The following DHX29 variants were observed in gnomAD, a reference collection of about 807,000 sequenced individuals.
The protein encoded by DHX29 is ATP-dependent RNA helicase DHX29.
In DHX29, 79 loss-of-function variants were observed where a neutral mutation model predicts 167.9. The ratio of observed to expected loss-of-function variants is 0.47; its 90% confidence interval spans 0.39 to 0.57. DHX29 has a LOEUF of 0.57. Among genes scored for constraint, DHX29 ranks in the 20% least tolerant of loss-of-function variants. The pLI, the probability that DHX29 is intolerant of heterozygous loss-of-function variation, is 0.00. For synonymous variants in DHX29, 530 were observed against 546.0 expected (o/e 0.97, Z 0.41); for missense variants, 1,347 against 1,593.4 (o/e 0.85, Z 2.63).
chr5:55,301,629 C>T (rs569796010), intron 1 of DHX29, among the ~76,000 whole-genome samples: 1 of 147,772 alleles, frequency 6.8e-6, no homozygotes, highest in South Asian at 2.2e-4. Flanking sequence ...AGGAGAATCG[C>T]TTGAACTCAG....
At chr5:55,257,066 C>CG (rs200380717) in intron 26 of DHX29, among the ~76,000 whole-genome samples, 3,042 of 152,222 alleles carry the variant, frequency 0.02, 57 homozygotes, top group Middle Eastern at 0.041. Context: ...GGTGTCAATG[C>CG]GGAAGTGACA....
chr5:55,269,729 A>G, intron 20 of DHX29, 92 bp from the exon 21 acceptor site: 1 of 1,051,808 alleles, frequency 9.5e-7, no homozygotes, highest in Non-Finnish European at 1.4e-6. Flanking sequence ...GACTTCAGTA[A>G]AATTTTGAGC....
In DHX29 at chr5:55,269,604, A is replaced by T; in HGVS notation, c.3103T>A (p.Ser1035Thr). ...CNLGSPEDFLSKALDPPQLQV... is the reference protein window; with the variant it reads ...CNLGSPEDFLTKALDPPQLQV... ...AGCTGAGGAGGATCTAAGGCTTTGG[A>T]GAGGAAATCTTCAGGAGAACCAAGA... The change falls in exon 21 of 27, where the codon TCC becomes ACC. Residue 1035 changes from serine (S) to threonine (T), a missense_variant. By Grantham distance (58) the Ser-to-Thr change is moderately conservative (BLOSUM62 1). Around this residue, in one of 3 missense-constraint regions of DHX29, gnomAD observed 882 missense variants for 1,082.4 expected, o/e 0.81. Transcript: ENST00000251636. 1.2e-6 allele frequency: 2 copies of T among 1,614,014 alleles called. No homozygotes were observed. Among genetic ancestry groups the T allele is most frequent in the Non-Finnish European group, 1.7e-6 (2 of 1,179,956 alleles).
intron 2 of DHX29, among the ~76,000 whole-genome samples, chr5:55,298,131 T>C (rs998061559): frequency 6.6e-6 from 1 of 151,356 alleles, no homozygotes; most frequent in African/African-American, 2.4e-5. Flanking sequence ...GAAAATCAAC[T>C]TGGCGGTTGA....
intron 1 of DHX29, among the ~76,000 whole-genome samples, chr5:55,301,713 CAA>C (rs70992777): frequency 0.15 from 9,573 of 64,180 alleles, 161 homozygotes; most frequent in East Asian, 0.28. Context: ...AACTCCATCT[CAA>C]AAAAAAAAAA....
At chr5:55,301,460 T>C (rs1245479231) in intron 1 of DHX29, among the ~76,000 whole-genome samples, 2 of 152,118 alleles carry the variant, frequency 1.3e-5, no homozygotes, top group African/African-American at 4.8e-5. Flanking sequence ...ACGCCTGTAA[T>C]CCCAACACTT....
chr5:55,281,856 G>A (rs1391490771), intron 11 of DHX29, among the ~76,000 whole-genome samples: 1 of 149,862 alleles, frequency 6.7e-6, no homozygotes, highest in African/African-American at 2.5e-5. Flanking sequence ...TGCAATCTCA[G>A]CTCACTGCAA....
rs145842446 is a variant in DHX29, at chr5:55,264,663, T to TA, written c.3526-1732dup. 0.01 allele frequency among the ~76,000 whole-genome samples: 1,569 copies of TA among 152,302 alleles called. 39 individuals carry two copies. The East Asian group carries it at 0.11, about 11-fold the overall frequency. On this transcript the variant is annotated intron_variant, in intron 23 of 26. Coordinates refer to ENST00000251636, the MANE Select transcript of DHX29 (RefSeq NM_019030.4). ...CCCAAAGAGGGGACAATTTGAGTAT[T>TA]AAAAAATTAACATCTGTAGAGAACT...
Position 55,256,379 on chromosome 5 carries a change from T to C in DHX29, c.*109A>G, listed in dbSNP as rs551953510. 3 of 948,096 alleles carry C rather than the reference T, an allele frequency of 3.2e-6. No individual in the cohort carries two copies. The East Asian group carries it at 8.3e-5, about 26-fold the overall frequency. 58.7% of individuals were successfully genotyped at this position (948,096 alleles called of 1,614,324 possible). ...CCACCACCTTTAAGTTAATGGCTAG[T>C]ACCAACATTTTAAGTAATGAAATAC... On this transcript the variant is annotated 3_prime_UTR_variant, in exon 27 of 27. Coordinates refer to ENST00000251636, the MANE Select transcript of DHX29 (RefSeq NM_019030.4).
At chr5:55,258,477 C>G (rs986773011) in intron 26 of DHX29, among the ~76,000 whole-genome samples, 1 of 152,146 alleles carries the variant, frequency 6.6e-6, no homozygotes, top group African/African-American at 2.4e-5. Context: ...CCATAGAGAT[C>G]AGTATGTCTG....
At chr5:55,290,083 T>G in intron 7 of DHX29, 135 bp downstream of exon 7, 1 of 1,060,124 alleles carries the variant, frequency 9.4e-7, no homozygotes, top group Non-Finnish European at 1.4e-6. Context: ...ACTTATTATT[T>G]TAAAAGTTTG....
chr5:55,267,645 A>G (rs113232371), intron 22 of DHX29, 41 bp downstream of exon 22: 32,431 of 1,545,318 alleles, frequency 0.021, 418 homozygotes, highest in African/African-American at 0.038. Flanking sequence ...AAATAACCTC[A>G]GGTAATTGGC....
chr5:55,298,839 G>C (rs1748454329), intron 1 of DHX29, among the ~76,000 whole-genome samples, 175 bp from the exon 2 acceptor site: 1 of 150,668 alleles, frequency 6.6e-6, no homozygotes, highest in Admixed American at 6.6e-5. Flanking sequence ...GACCATCCTG[G>C]CTAACAAGGT....
At chr5:55,297,119 G>A (rs1454150692) in intron 3 of DHX29, among the ~76,000 whole-genome samples, 166 bp downstream of exon 3, 2 of 152,144 alleles carry the variant, frequency 1.3e-5, no homozygotes, top group Non-Finnish European at 2.9e-5. Context: ...GTGTGCACTT[G>A]TACCTTCTTG....
chr5:55,306,868 AGAC>A, intron 1 of DHX29, among the ~76,000 whole-genome samples: 1 of 152,220 alleles, frequency 6.6e-6, no homozygotes, highest in Non-Finnish European at 1.5e-5. Context: ...AAACGAGGGC[AGAC>A]AATTTTACAA....
Position 55,262,835 on chromosome 5 carries a change from A to G in DHX29, c.3623T>C (p.Leu1208Pro). The G allele has an allele frequency of 1.2e-6, 2 of 1,614,098 alleles. No individual in the cohort carries two copies. The highest frequency in any genetic ancestry group is 1.7e-6 in the Non-Finnish European group (2 of 1,179,990). Residue 1208 changes from leucine to proline, a missense_variant, in exon 24 of 27, where the codon CTC becomes CCC. Around this residue, in one of 3 missense-constraint regions of DHX29, gnomAD observed 882 missense variants for 1,082.4 expected, o/e 0.81. Coordinates refer to ENST00000251636, the MANE Select transcript of DHX29 (RefSeq NM_019030.4). ...SWEGNRASQT[L>P]SFQEIALLKA... ...AAGAAGGGCAATTTCTTGGAATGAG[A>G]GGGTCTGTGAGGCTCTGTTTCCTTC...
At position 55,259,943 on chromosome 5, in the gene DHX29, G is replaced by T; in HGVS notation, c.3962C>A (p.Ala1321Asp). ...GAAAATGACAGCTATCTTTACAGGGGCCTGTTAAGAGGAGTTGAAAAAATG... is the reference window on the plus strand; with the variant it reads ...GAAAATGACAGCTATCTTTACAGGGTCCTGTTAAGAGGAGTTGAAAAAATG... ...LSIDGWIYFQ[A>D]PVKIAVIFKQ... Residue 1321 changes from alanine to aspartate, a missense_variant and splice_region_variant, in exon 26 of 27, where the codon GCC (alanine) becomes GAC (aspartate). Ala to Asp is a moderately radical substitution (Grantham distance 126). This residue lies in a region of DHX29 where 882 missense variants were observed against 1,082.4 expected (regional missense o/e 0.81). Transcript: ENST00000251636. The T allele has an allele frequency of 2.5e-6, 4 of 1,595,726 alleles. No individual in the cohort carries two copies. The highest frequency in any genetic ancestry group is 3.4e-6 in the Non-Finnish European group (4 of 1,163,970).
rs35307529 is a variant in DHX29 at position 55,256,231 on chromosome 5, C to T, written c.*257G>A. 0.048 allele frequency: 13,502 copies of T among 283,844 alleles called. 633 individuals are homozygous for T. Among genetic ancestry groups the T allele is most frequent in the Admixed American group, 0.12 (2,319 of 19,264 alleles). The allele number at this position is 283,844 out of a possible 1,614,324, so 17.6% of individuals were successfully genotyped here. ...ATAGGCCTTGCCCTTATTAACACAA[C>T]GATGAGCAAAACATGCATAATACCA... On this transcript the variant is annotated 3_prime_UTR_variant, in exon 27 of 27. Transcript: ENST00000251636.
chr5:55,273,949 T>G (rs1475627727), intron 16 of DHX29, among the ~76,000 whole-genome samples: 3 of 151,944 alleles, frequency 2.0e-5, no homozygotes, highest in African/African-American at 7.3e-5. Context: ...TAGCTGGGCG[T>G]GGTGGCATGC....
Sources: allele counts gnomAD v4.1 joint callset (sites outside exome capture counted in the v4.1 genomes callset), GRCh38; gene constraint gnomAD v4.1.1; regional missense constraint gnomAD v4.1.1; transcripts MANE v1.5; gene names NCBI Gene and HGNC (gene_info 2026-07-23, HGNC 2026-07-21).